Variants in HAVCR1 observed in about 807,000 individuals in gnomAD.
HAVCR1 encodes the protein T cell immunoglobin domain and mucin domain protein 1.
Under a neutral mutation model 32.0 loss-of-function variants are expected in HAVCR1, and 34 were observed. That is an observed-to-expected ratio of 1.06 (90% CI 0.81 to 1.42). The LOEUF (loss-of-function observed/expected upper bound fraction) is 1.42. Ranked by LOEUF, HAVCR1 falls within the 40% of genes most tolerant of loss-of-function variation. The probability of loss-of-function intolerance (pLI) is 0.00; values close to 1 mark genes in which losing one functional copy is unlikely to be tolerated. For missense variants in HAVCR1, 420 were observed against 442.3 expected (o/e 0.95, Z 0.45); for synonymous variants, 178 against 170.3 (o/e 1.05, Z -0.35).
intron 2 of HAVCR1, among the ~76,000 whole-genome samples, chr5:157,057,360 T>C (rs1026261932): frequency 9.6e-6 from 1 of 104,590 alleles, no homozygotes; most frequent in African/African-American, 4.2e-5. Flanking sequence ...TGAGACCTCA[T>C]GAAGAGAGAG....
At chr5:157,041,307 G>A (rs1754878184) in intron 6 of HAVCR1, among the ~76,000 whole-genome samples, 1 of 152,078 alleles carries the variant, frequency 6.6e-6, no homozygotes, top group Admixed American at 6.5e-5. Flanking sequence ...AGACCAGCCT[G>A]GTAAACATGA....
At chr5:157,060,319 C>G (rs1437411170), upstream of HAVCR1, among the ~76,000 whole-genome samples, 2 of 152,136 alleles carry the variant, frequency 1.3e-5, no homozygotes, top group African/African-American at 2.4e-5. Context: ...TCTTCTACCA[C>G]TCTCTCCCCT....
Position 157,042,690 on chromosome 5 carries a change from A to G in HAVCR1, c.782-8T>C, listed in dbSNP as rs1561588077. 8 of 1,534,584 alleles carry G rather than the reference A, an allele frequency of 5.2e-6. No homozygotes were observed. Among genetic ancestry groups the G allele is most frequent in the African/African-American group, 2.7e-5 (2 of 73,224 alleles). On this transcript the variant is annotated splice_region_variant and splice_polypyrimidine_tract_variant and intron_variant, in intron 5 of 8. Transcript: ENST00000523175. The stretch of plus-strand genomic sequence containing the variant: ...TCACGGTGTCATTCCCATCTACTCA[A>G]CAAGAAGGAAATTTAATTAGAATTA...
At chr5:157,033,831 G>C (rs1420270603) in intron 7 of HAVCR1, among the ~76,000 whole-genome samples, 1 of 152,318 alleles carries the variant, frequency 6.6e-6, no homozygotes, top group African/African-American at 2.4e-5. Flanking sequence ...GGGAGGCAGA[G>C]GCAGGCGGTC....
At chr5:157,044,536 GAAGA>G (rs1345291991) in intron 5 of HAVCR1, among the ~76,000 whole-genome samples, 1 of 141,388 alleles carries the variant, frequency 7.1e-6, no homozygotes, top group African/African-American at 2.6e-5. Context: ...AGAAAGGAAA[GAAGA>G]AAGGAGGAAG....
In HAVCR1 at chr5:157,051,232, C is replaced by T. The variant is rs187632689; in HGVS notation, c.673+1129G>A. ...AACTGTACATTCTAAATCCCTAAAG[C>T]CCTTAAATCCAATGTTACTTTTTCC... is the stretch of plus-strand genomic sequence containing the variant. On this transcript the variant is annotated intron_variant, in intron 4 of 8. Coordinates refer to ENST00000523175, the MANE Select transcript of HAVCR1 (RefSeq NM_001173393.3). Among the ~76,000 whole-genome samples the T allele has an allele frequency of 2.0e-5, 3 of 152,304 alleles. No homozygotes were observed. In the East Asian group the frequency reaches 5.8e-4, roughly 29 times the overall value.
chr5:157,065,611 TTAGGAGACC>T, the HAVCR1 span, among the ~76,000 whole-genome samples: 2 of 152,058 alleles, frequency 1.3e-5, no homozygotes, highest in African/African-American at 4.8e-5. Context: ...TCTTAGCACT[TTAGGAGACC>T]AAGGCAGGCT....
chr5:157,060,851 T>A (rs1756473770), upstream of HAVCR1, among the ~76,000 whole-genome samples: 1 of 152,146 alleles, frequency 6.6e-6, no homozygotes, highest in African/African-American at 2.4e-5. Context: ...ACTAGCCACA[T>A]ATGACTATTG....
At chr5:157,039,420 C>T (rs563854599) in intron 6 of HAVCR1, among the ~76,000 whole-genome samples, 19 of 152,320 alleles carry the variant, frequency 1.2e-4, no homozygotes, top group African/African-American at 4.6e-4. Flanking sequence ...GCAATCTCGG[C>T]TCACTGCAAT....
At chr5:157,039,023 G>T (rs938850818) in intron 6 of HAVCR1, among the ~76,000 whole-genome samples, 1 of 152,076 alleles carries the variant, frequency 6.6e-6, no homozygotes, top group Non-Finnish European at 1.5e-5. Context: ...GGAGGCTTGG[G>T]GTGGGAGGAT....
At chr5:157,057,412 A>C (rs1756251554) in intron 2 of HAVCR1, among the ~76,000 whole-genome samples, 2 of 134,770 alleles carry the variant, frequency 1.5e-5, no homozygotes, top group African/African-American at 5.3e-5. Context: ...AGAAAGAAAG[A>C]AAGAAAGAAA....
intron 5 of HAVCR1, among the ~76,000 whole-genome samples, chr5:157,043,195 T>C (rs1286143125): frequency 1.3e-5 from 2 of 152,222 alleles, no homozygotes; most frequent in Non-Finnish European, 2.9e-5. Context: ...TCCTGTGTTG[T>C]TGCCGATGTG....
chr5:157,054,523 TA>T (rs1755997928), intron 3 of HAVCR1, among the ~76,000 whole-genome samples: 2 of 151,948 alleles, frequency 1.3e-5, no homozygotes, highest in African/African-American at 4.8e-5. Flanking sequence ...AATAAAAAAA[TA>T]AAAAAGGACA....
At chr5:157,068,037 C>T in the HAVCR1 span, among the ~76,000 whole-genome samples, 11 of 151,886 alleles carry the variant, frequency 7.2e-5, no homozygotes, top group Admixed American at 3.9e-4. Context: ...TTTGGGAGGC[C>T]GAGGTAGACA....
At chr5:157,042,298 C>T (rs374413785) in intron 6 of HAVCR1, among the ~76,000 whole-genome samples, 3 of 151,760 alleles carry the variant, frequency 2.0e-5, no homozygotes, top group East Asian at 1.9e-4. Flanking sequence ...AAAAATTAGC[C>T]GGGCATGGTG....
intron 3 of HAVCR1, among the ~76,000 whole-genome samples, chr5:157,052,902 C>T (rs139175107): frequency 2.1e-3 from 323 of 152,272 alleles, no homozygotes; most frequent in Non-Finnish European, 3.6e-3. Context: ...TAAGAACAGA[C>T]GCCTCATATT....
At chr5:157,040,292 CTG>C (rs1754805385) in intron 6 of HAVCR1, among the ~76,000 whole-genome samples, 1 of 143,178 alleles carries the variant, frequency 7.0e-6, no homozygotes, top group Non-Finnish European at 1.5e-5. Flanking sequence ...GAGTGAAACT[CTG>C]TCTCAAAAAA....
At chr5:157,062,085 T>G (rs1243593609), upstream of HAVCR1, among the ~76,000 whole-genome samples, 1 of 152,188 alleles carries the variant, frequency 6.6e-6, no homozygotes, top group Non-Finnish European at 1.5e-5. Context: ...ATGACCCCCC[T>G]GAAGGATGCA....
chr5:157,045,679 T>G (rs1214802500), intron 5 of HAVCR1, among the ~76,000 whole-genome samples: 5 of 152,192 alleles, frequency 3.3e-5, no homozygotes, highest in Non-Finnish European at 7.3e-5. Flanking sequence ...CACATACATC[T>G]GTCAAAGGTG....
Sources: allele counts gnomAD v4.1 joint callset (sites outside exome capture counted in the v4.1 genomes callset), GRCh38; gene constraint gnomAD v4.1.1; transcripts MANE v1.5; gene names NCBI Gene and HGNC (gene_info 2026-07-23, HGNC 2026-07-21).